NTM: variants seen among roughly 807,000 people sequenced by gnomAD.
The protein encoded by NTM is neurotrimin, also known as IgLON family member 2.
NTM carries 13 observed loss-of-function variants against 42.1 expected under a neutral mutation model. That is an observed-to-expected ratio of 0.31 (90% CI 0.20 to 0.49). The LOEUF is 0.49. NTM is among the 20% of genes least tolerant of loss of function. The pLI is 0.99. For missense variants in NTM, 373 were observed against 452.8 expected, an observed-to-expected ratio of 0.82 and a Z score of 1.60; for synonymous variants, 187 against 179.2, an observed-to-expected ratio of 1.04 and a Z score of -0.35.
chr11:132,097,392 CTCAG>C (rs1343643055), intron 2 of NTM, among the ~76,000 whole-genome samples: 4 of 152,168 alleles, frequency 2.6e-5, no homozygotes, highest in Non-Finnish European at 5.9e-5. Context: ...GCTGGGGACA[CTCAG>C]TCTGTGTTGC....
chr11:132,044,862 G>A (rs1039492082), intron 2 of NTM, among the ~76,000 whole-genome samples: 5 of 151,890 alleles, frequency 3.3e-5, no homozygotes, highest in African/African-American at 4.8e-5. Flanking sequence ...GACCAATAAC[G>A]AGTTCTGAAA....
intron 7 of NTM, among the ~76,000 whole-genome samples, chr11:132,321,171 A>G (rs2095560286): frequency 6.6e-6 from 1 of 152,248 alleles, no homozygotes; most frequent in East Asian, 1.9e-4. Context: ...ACAAAGCTGG[A>G]CAGAGAATGA....
chr11:132,196,105 A>AG (rs1315734310), intron 3 of NTM, among the ~76,000 whole-genome samples: 2 of 152,196 alleles, frequency 1.3e-5, no homozygotes, highest in Non-Finnish European at 2.9e-5. Context: ...CAAGCAAAAA[A>AG]CAAATAACCC....
chr11:131,705,873 A>G (rs1166196310), intron 1 of NTM, among the ~76,000 whole-genome samples: 1 of 152,138 alleles, frequency 6.6e-6, no homozygotes, highest in Non-Finnish European at 1.5e-5. Context: ...ATTAAAGCAT[A>G]CTATTACTAC....
intron 1 of NTM, among the ~76,000 whole-genome samples, chr11:131,664,963 C>T (rs151199518): frequency 1.8e-4 from 27 of 152,210 alleles, no homozygotes; most frequent in Non-Finnish European, 3.5e-4. Flanking sequence ...CCATATCCTC[C>T]GCGCTTCTGC....
At chr11:131,769,978 A>G (rs947844837) in intron 1 of NTM, among the ~76,000 whole-genome samples, 1 of 152,148 alleles carries the variant, frequency 6.6e-6, no homozygotes, top group Non-Finnish European at 1.5e-5. Context: ...CATGCTCAGG[A>G]AGTCCCCCAG....
intron 2 of NTM, among the ~76,000 whole-genome samples, chr11:132,129,485 C>T (rs2066446184): frequency 6.6e-6 from 1 of 152,046 alleles, no homozygotes; most frequent in Non-Finnish European, 1.5e-5. Context: ...TAGCTTAGGC[C>T]CTGCATTCCC....
intron 1 of NTM, among the ~76,000 whole-genome samples, chr11:131,606,271 G>A (rs1410060606): frequency 6.6e-6 from 1 of 152,202 alleles, no homozygotes; most frequent in Non-Finnish European, 1.5e-5. Context: ...GTGCAAACTG[G>A]TCCCGAACTC....
intron 4 of NTM, among the ~76,000 whole-genome samples, chr11:132,248,197 G>GA (rs1213440879): frequency 1.3e-5 from 2 of 152,088 alleles, no homozygotes; most frequent in African/African-American, 4.8e-5. Context: ...AGAGACAGGG[G>GA]AAAAAACTGC....
chr11:131,440,960 A>G (rs757807337), intron 1 of NTM, among the ~76,000 whole-genome samples: 9 of 149,778 alleles, frequency 6.0e-5, no homozygotes, highest in Non-Finnish European at 1.3e-4. Flanking sequence ...TGAATCAGTT[A>G]CCATTCATTC....
chr11:131,675,301 G>A (rs2071181906), intron 1 of NTM, among the ~76,000 whole-genome samples: 1 of 152,210 alleles, frequency 6.6e-6, no homozygotes, highest in East Asian at 1.9e-4. Context: ...TATCACGGGT[G>A]GTTTTCCCAA....
At position 131,633,079 on chromosome 11, in the gene NTM, C is replaced by G. The variant is rs117213685; in HGVS notation, c.82+262191C>G. 2.0e-4 allele frequency among the ~76,000 whole-genome samples: 30 copies of G among 152,284 alleles called. No homozygotes were observed. The East Asian group carries it at 4.8e-3, about 24-fold the overall frequency. ...GCCATTCTAATCCACTTTGCCAAAG[C>G]CTGAGGCTCCAAAGTGGGGGACACA... On this transcript the variant is annotated intron_variant, in intron 1 of 8. Transcript: ENST00000683400.
intron 1 of NTM, among the ~76,000 whole-genome samples, chr11:131,723,862 CAA>C (rs149262893): frequency 0.015 from 2,270 of 151,726 alleles, 43 homozygotes; most frequent in African/African-American, 0.05. Context: ...GAGAGACAGA[CAA>C]GAGGAGAGAG....
chr11:131,827,551 G>C (rs1565601912), intron 1 of NTM, among the ~76,000 whole-genome samples: 1 of 152,148 alleles, frequency 6.6e-6, no homozygotes, highest in Admixed American at 6.5e-5. Flanking sequence ...CCTGTCATTT[G>C]TCCTTTGTGG....
At chr11:131,374,903 A>G (rs1941755186) in intron 1 of NTM, among the ~76,000 whole-genome samples, 1 of 152,328 alleles carries the variant, frequency 6.6e-6, no homozygotes, top group Admixed American at 6.5e-5. Flanking sequence ...TTTGGGTAGG[A>G]TGAACAGGTC....
At chr11:131,997,683 CT>C (rs1565912186) in intron 2 of NTM, among the ~76,000 whole-genome samples, 1 of 151,958 alleles carries the variant, frequency 6.6e-6, no homozygotes, top group Non-Finnish European at 1.5e-5. Flanking sequence ...TTTCTTTTTT[CT>C]TCCTGGAATG....
intron 1 of NTM, chr11:131,538,752 C>CA (rs2052680994): frequency 6.6e-6 from 1 of 152,104 alleles, no homozygotes; most frequent in African/African-American, 2.4e-5. Flanking sequence ...TGATGTTGGT[C>CA]AATGGGTACA....
intron 1 of NTM, among the ~76,000 whole-genome samples, chr11:131,598,747 C>CTTTCTTTCTTTCTTTG (rs1182525836): frequency 1.5e-4 from 11 of 73,372 alleles, no homozygotes; most frequent in African/African-American, 5.2e-4. Context: ...TTCTTTCTTT[C>CTTTCTTTCTTTCTTTG]TTTCTTTCTT....
At chr11:131,569,500 T>A (rs958410141) in intron 1 of NTM, among the ~76,000 whole-genome samples, 1 of 152,184 alleles carries the variant, frequency 6.6e-6, no homozygotes, top group South Asian at 2.1e-4. Context: ...TTCATATGTC[T>A]TTTAATGACA....
Sources: gnomAD v4.1 joint callset for allele counts (sites outside exome capture counted in the v4.1 genomes callset) on GRCh38, gnomAD v4.1.1 for gene constraint, MANE v1.5 for transcripts, NCBI Gene and HGNC (gene_info 2026-07-23, HGNC 2026-07-21) for gene names.